CDH8: variants seen among roughly 807,000 people sequenced by gnomAD.
CDH8 encodes cadherin 8, also known as cadherin-8.
CDH8 carries 17 observed loss-of-function variants against 68.1 expected under a neutral mutation model. The ratio of observed to expected loss-of-function variants is 0.25; its 90% confidence interval spans 0.17 to 0.37. The LOEUF (loss-of-function observed/expected upper bound fraction) is 0.37. Among genes scored for constraint, CDH8 ranks in the 10% least tolerant of loss-of-function variants. The pLI, the probability that CDH8 is intolerant of heterozygous loss-of-function variation, is 1.00. For missense variants in CDH8, 763 were observed against 999.3 expected (o/e 0.76, Z 3.19); for synonymous variants, 372 against 365.1 (o/e 1.02, Z -0.21).
chr16:61,975,302 T>A (rs1295893039), intron 2 of CDH8, among the ~76,000 whole-genome samples: 1 of 152,166 alleles, frequency 6.6e-6, no homozygotes, highest in Non-Finnish European at 1.5e-5. Context: ...AGAGAAAGGC[T>A]GCTCAGGATT....
At chr16:61,754,445 G>T (rs1383517149) in intron 8 of CDH8, among the ~76,000 whole-genome samples, 3 of 152,068 alleles carry the variant, frequency 2.0e-5, no homozygotes, top group Non-Finnish European at 4.4e-5. Context: ...GTGATTGCAT[G>T]AACTGATGAG....
intron 2 of CDH8, among the ~76,000 whole-genome samples, chr16:61,995,820 A>C (rs1401996116): frequency 2.6e-5 from 4 of 152,226 alleles, no homozygotes; most frequent in African/African-American, 7.2e-5. Flanking sequence ...ATTTTTATTA[A>C]AAGGATGAAG....
chr16:61,854,706 T>C (rs1431839465), intron 4 of CDH8, among the ~76,000 whole-genome samples: 1 of 152,154 alleles, frequency 6.6e-6, no homozygotes, highest in East Asian at 1.9e-4. Context: ...GGCCATTGCC[T>C]CTTTTTTTCT....
chr16:61,919,357 A>C lies in CDH8; in HGVS notation c.253-17884T>G, dbSNP rs1484158556. Among the ~76,000 whole-genome samples the C allele has an allele frequency of 1.3e-5, 2 of 148,234 alleles. 1 individual carries two copies. Among genetic ancestry groups the C allele is most frequent in the South Asian group, 4.4e-4 (2 of 4,568 alleles). On this transcript the variant is annotated intron_variant, in intron 2 of 11. Coordinates refer to ENST00000577390, the MANE Select transcript of CDH8 (RefSeq NM_001796.5). ...TGAGAGAAGAAGGCTTCAGACGATCAAATTACTCCAAGCTACGGGAGGACA... is the reference window on the plus strand; with the variant it reads ...TGAGAGAAGAAGGCTTCAGACGATCCAATTACTCCAAGCTACGGGAGGACA...
intron 4 of CDH8, among the ~76,000 whole-genome samples, chr16:61,851,079 G>T (rs997894444): frequency 3.3e-5 from 5 of 151,898 alleles, no homozygotes; most frequent in Non-Finnish European, 7.4e-5. Flanking sequence ...AGTCCTCTTG[G>T]CACTGGAAAT....
chr16:61,883,557 A>C (rs1306159471), intron 3 of CDH8, among the ~76,000 whole-genome samples: 2 of 151,908 alleles, frequency 1.3e-5, no homozygotes, highest in African/African-American at 2.4e-5. Flanking sequence ...AAGTGATACT[A>C]ATAGTGAGAT....
intron 8 of CDH8, among the ~76,000 whole-genome samples, chr16:61,728,059 G>C (rs917899192): frequency 3.3e-5 from 5 of 151,042 alleles, no homozygotes; most frequent in African/African-American, 1.2e-4. Flanking sequence ...ATAATCTTTT[G>C]ATCTGTTATA....
chr16:61,770,430 G>C (rs985030837), intron 8 of CDH8, among the ~76,000 whole-genome samples: 9 of 151,846 alleles, frequency 5.9e-5, no homozygotes, highest in Non-Finnish European at 1.2e-4. Flanking sequence ...TTCAACCAAA[G>C]TTAGGCCTTG....
In CDH8 at chr16:61,686,315, C is replaced by T. The variant is rs541921499; in HGVS notation, c.1654+27526G>A. ...CCTGAATTATTGATTTTTCAAATTT[C>T]GTAGTCACCTACGCTATACAGGGCA... On this transcript the variant is annotated intron_variant, in intron 10 of 11. Transcript: ENST00000577390. Among the ~76,000 whole-genome samples the T allele has an allele frequency of 1.2e-4, 18 of 152,046 alleles. No homozygotes were observed. The East Asian group carries it at 1.4e-3, about 11-fold the overall frequency.
chr16:61,724,111 A>G (rs1484400975), intron 9 of CDH8, among the ~76,000 whole-genome samples: 2 of 150,730 alleles, frequency 1.3e-5, no homozygotes, highest in Non-Finnish European at 3.0e-5. Flanking sequence ...TGGACTGTGA[A>G]CCATTTCTCC....
intron 10 of CDH8, among the ~76,000 whole-genome samples, chr16:61,678,052 C>T (rs1354811752): frequency 6.6e-6 from 1 of 152,016 alleles, no homozygotes; most frequent in Non-Finnish European, 1.5e-5. Flanking sequence ...ACGTTCCTTT[C>T]TATTGTTAAT....
At chr16:61,753,057 G>A (rs1387760546) in intron 8 of CDH8, among the ~76,000 whole-genome samples, 1 of 152,120 alleles carries the variant, frequency 6.6e-6, no homozygotes, top group African/African-American at 2.4e-5. Context: ...CAGAGTAAGG[G>A]CACTGCACAA....
At chr16:61,736,552 G>GA (rs1456370721) in intron 8 of CDH8, among the ~76,000 whole-genome samples, 1 of 152,060 alleles carries the variant, frequency 6.6e-6, no homozygotes, top group East Asian at 1.9e-4. Context: ...CTAAAACACA[G>GA]AAAAAACAAT....
chr16:61,815,456 A>G (rs556870715), intron 7 of CDH8, among the ~76,000 whole-genome samples: 1 of 152,308 alleles, frequency 6.6e-6, no homozygotes, highest in South Asian at 2.1e-4. Context: ...ATTTATAGCT[A>G]GCTCTGCCAA....
At chr16:61,834,542 G>C (rs1181866886) in intron 4 of CDH8, among the ~76,000 whole-genome samples, 1 of 151,858 alleles carries the variant, frequency 6.6e-6, no homozygotes, top group Non-Finnish European at 1.5e-5. Context: ...TAAATTTGTA[G>C]GGCAGTGTTC....
chr16:61,707,031 C>T (rs996000407), intron 10 of CDH8, among the ~76,000 whole-genome samples: 1 of 152,190 alleles, frequency 6.6e-6, no homozygotes, highest in African/African-American at 2.4e-5. Flanking sequence ...TTCTCTTTCT[C>T]TTTCCTCCTT....
At chr16:62,016,520 A>C (rs564473259) in intron 2 of CDH8, among the ~76,000 whole-genome samples, 3 of 152,314 alleles carry the variant, frequency 2.0e-5, no homozygotes, top group Non-Finnish European at 4.4e-5. Flanking sequence ...GGCCAGATTC[A>C]TCAAAAACCA....
intron 7 of CDH8, among the ~76,000 whole-genome samples, chr16:61,793,351 A>G (rs1444094497): frequency 6.6e-6 from 1 of 151,826 alleles, no homozygotes; most frequent in Admixed American, 6.6e-5. Context: ...AGATTATTTC[A>G]TCACCCAGGT....
intron 8 of CDH8, among the ~76,000 whole-genome samples, chr16:61,754,668 C>T (rs7192912): frequency 0.49 from 74,902 of 151,872 alleles, 19,525 homozygotes; most frequent in African/African-American, 0.66. Flanking sequence ...TTCTTCCAGC[C>T]ATTTTGAAAT....
Sources: gnomAD v4.1 joint callset for allele counts (sites outside exome capture counted in the v4.1 genomes callset) on GRCh38, gnomAD v4.1.1 for gene constraint, MANE v1.5 for transcripts, NCBI Gene and HGNC (gene_info 2026-07-23, HGNC 2026-07-21) for gene names.